The following SLC24A2 variants were observed in gnomAD, a reference collection of about 807,000 sequenced individuals.
SLC24A2 encodes solute carrier family 24 member 2.
SLC24A2 carries 36 observed loss-of-function variants against 62.0 expected under a neutral mutation model. That is an observed-to-expected ratio of 0.58 (90% CI 0.44 to 0.77). The LOEUF is 0.77. Ranked by LOEUF, SLC24A2 falls within the 30% of genes least tolerant of loss-of-function variation. SLC24A2 has a pLI of 0.00. For missense variants in SLC24A2, 846 were observed against 817.9 expected (o/e 1.03, Z -0.42); for synonymous variants, 358 against 294.0 (o/e 1.22, Z -2.23).
At chr9:20,016,672 T>C in the SLC24A2 span, among the ~76,000 whole-genome samples, 2 of 152,220 alleles carry the variant, frequency 1.3e-5, no homozygotes, top group Non-Finnish European at 2.9e-5. Context: ...ATGGAGAATA[T>C]ATTTAAATTC....
chr9:20,093,209 A>ATCAAT, the SLC24A2 span, among the ~76,000 whole-genome samples: 10 of 151,910 alleles, frequency 6.6e-5, no homozygotes, highest in South Asian at 6.3e-4. Context: ...AGTAGCTGGG[A>ATCAAT]TTACAGGCAT....
At chr9:20,126,096 T>C in the SLC24A2 span, among the ~76,000 whole-genome samples, 1 of 152,162 alleles carries the variant, frequency 6.6e-6, no homozygotes, top group African/African-American at 2.4e-5. Flanking sequence ...TGTGTGTAGA[T>C]AGTTGTCAAA....
chr9:19,682,542 C>T (rs1373023913), intron 2 of SLC24A2, among the ~76,000 whole-genome samples: 3 of 152,046 alleles, frequency 2.0e-5, no homozygotes, highest in Admixed American at 2.0e-4. Flanking sequence ...ATCTCTGTGG[C>T]CATGGTATGC....
chr9:19,653,680 G>A (rs1015125824), intron 2 of SLC24A2, among the ~76,000 whole-genome samples: 5 of 152,088 alleles, frequency 3.3e-5, no homozygotes, highest in Admixed American at 2.0e-4. Context: ...TGACTTTAAC[G>A]TTGTCATTCA....
At chr9:19,654,561 G>A (rs950099297) in intron 2 of SLC24A2, among the ~76,000 whole-genome samples, 3 of 152,042 alleles carry the variant, frequency 2.0e-5, no homozygotes, top group African/African-American at 7.2e-5. Flanking sequence ...TTCATTCTAG[G>A]TAAAGGAATG....
chr9:19,653,950 T>G (rs1401915584), intron 2 of SLC24A2, among the ~76,000 whole-genome samples: 2 of 152,178 alleles, frequency 1.3e-5, no homozygotes, highest in Non-Finnish European at 2.9e-5. Flanking sequence ...AAAATTTACA[T>G]ACGAGTCACT....
At chr9:19,582,125 G>A (rs1836227679) in intron 5 of SLC24A2, among the ~76,000 whole-genome samples, 1 of 152,152 alleles carries the variant, frequency 6.6e-6, no homozygotes, top group Non-Finnish European at 1.5e-5. Flanking sequence ...GGGGTGGTAG[G>A]GAAGTGCGGA....
At chr9:20,164,449 A>C in the SLC24A2 span, among the ~76,000 whole-genome samples, 21,359 of 152,070 alleles carry the variant, frequency 0.14, 1,908 homozygotes, top group Middle Eastern at 0.33. Context: ...ATCTCACACC[A>C]GTTAGAATGG....
intron 2 of SLC24A2, among the ~76,000 whole-genome samples, chr9:19,781,903 A>T (rs944433632): frequency 1.1e-4 from 17 of 152,358 alleles, no homozygotes; most frequent in African/African-American, 4.1e-4. Context: ...TCACTTTATG[A>T]AGAATGTTTA....
the SLC24A2 span, among the ~76,000 whole-genome samples, chr9:19,835,629 A>T: frequency 6.6e-6 from 1 of 152,204 alleles, no homozygotes; most frequent in Admixed American, 6.5e-5. Context: ...TAATAATGGG[A>T]GACTTTAATA....
intron 7 of SLC24A2, among the ~76,000 whole-genome samples, chr9:19,566,020 A>C (rs1415285582): frequency 6.6e-6 from 1 of 152,164 alleles, no homozygotes; most frequent in Non-Finnish European, 1.5e-5. Flanking sequence ...CCCTGGAAGA[A>C]AACCTAGGCA....
chr9:19,966,757 T>C, the SLC24A2 span, among the ~76,000 whole-genome samples: 3 of 152,136 alleles, frequency 2.0e-5, no homozygotes, highest in South Asian at 4.1e-4. Context: ...AAAAAGTAGA[T>C]ATACAATTAA....
At chr9:20,055,958 A>G in the SLC24A2 span, among the ~76,000 whole-genome samples, 3 of 151,874 alleles carry the variant, frequency 2.0e-5, no homozygotes, top group Non-Finnish European at 1.5e-5. Context: ...TTACCGCTCC[A>G]CTATACAGCT....
At chr9:19,964,733 G>C in the SLC24A2 span, among the ~76,000 whole-genome samples, 1 of 152,212 alleles carries the variant, frequency 6.6e-6, no homozygotes, top group Admixed American at 6.5e-5. Flanking sequence ...GTGCACAGGT[G>C]TGTGGGGCTG....
At chr9:19,854,234 A>T in the SLC24A2 span, among the ~76,000 whole-genome samples, 1 of 151,780 alleles carries the variant, frequency 6.6e-6, no homozygotes, top group East Asian at 1.9e-4. Flanking sequence ...TATTTGATTA[A>T]TTTTTTCAAA....
the SLC24A2 span, among the ~76,000 whole-genome samples, chr9:20,036,447 G>A: frequency 2.0e-4 from 30 of 151,974 alleles, no homozygotes; most frequent in East Asian, 3.5e-3. Context: ...TATTCCTCCC[G>A]TCTAATTGAA....
the SLC24A2 span, among the ~76,000 whole-genome samples, chr9:20,098,083 T>C: frequency 2.0e-5 from 3 of 152,004 alleles, no homozygotes; most frequent in Admixed American, 6.6e-5. Context: ...AGGTATAAAG[T>C]ATATATAAAG....
the SLC24A2 span, among the ~76,000 whole-genome samples, chr9:20,149,558 T>G: frequency 6.6e-6 from 1 of 151,986 alleles, no homozygotes; most frequent in East Asian, 1.9e-4. Flanking sequence ...GCTGCTCAAT[T>G]TTGCTACTAC....
chr9:19,787,005 C>T lies in SLC24A2; in HGVS notation c.-139G>A. The T allele has an allele frequency of 2.2e-5, 31 of 1,420,126 alleles. No homozygotes were observed. The highest frequency in any genetic ancestry group is 2.8e-5 in the Non-Finnish European group (30 of 1,090,478). The allele number at this position is 1,420,126 out of a possible 1,614,324, so 88.0% of individuals were successfully genotyped here. A position where few individuals can be genotyped will look rare whatever the true frequency, so the allele number is the denominator to read the frequency against. On this transcript the variant is annotated 5_prime_UTR_variant, in exon 2 of 11. Coordinates refer to ENST00000341998, the MANE Select transcript of SLC24A2 (RefSeq NM_020344.4). ...AGGGATTGTTATGCTTCACAGGAAA[C>T]TTTCATCATTTATGCTTAAATAAAA...
Sources: allele counts gnomAD v4.1 joint callset (sites outside exome capture counted in the v4.1 genomes callset), GRCh38; gene constraint gnomAD v4.1.1; transcripts MANE v1.5; gene names NCBI Gene and HGNC (gene_info 2026-07-23, HGNC 2026-07-21).